The following CEP250 variants were observed in gnomAD, a reference collection of about 807,000 sequenced individuals.
The protein encoded by CEP250 is centrosomal protein 250.
Under a neutral mutation model 315.7 loss-of-function variants are expected in CEP250, and 242 were observed. The observed-to-expected ratio is 0.77, with a 90% CI of 0.69 to 0.85. The LOEUF (loss-of-function observed/expected upper bound fraction) is 0.85, where lower values mean the gene tolerates loss of function less well. Among genes scored for constraint, CEP250 ranks in the 40% least tolerant of loss-of-function variants. The pLI is 0.00. For missense variants in CEP250, 2,515 were observed against 2,886.4 expected (o/e 0.87, Z 2.95); for synonymous variants, 1,088 against 1,175.0 (o/e 0.93, Z 1.51).
chr20:35,459,698 C>T (rs1276182889), intron 2 of CEP250, among the ~76,000 whole-genome samples: 1 of 151,870 alleles, frequency 6.6e-6, no homozygotes, highest in Non-Finnish European at 1.5e-5. Context: ...ATCCCTTCAG[C>T]CCAGGAATTT....
Position 35,504,838 on chromosome 20 carries a change from G to T in CEP250, c.6469G>T (p.Ala2157Ser). 1 of 1,614,236 alleles carries T rather than the reference G, an allele frequency of 6.2e-7. No individual in the cohort carries two copies. Among genetic ancestry groups the T allele is most frequent in the Non-Finnish European group, 8.5e-7 (1 of 1,180,040 alleles). ...GCAGCGGGAGCTGGAGCGGCTACAG[G>T]CAGCCCTGAGACAGACAGAAGCCAG... ...RLQRELERLQ[A>S]ALRQTEAREI... is the part of the protein sequence containing the mutation. The change falls in exon 30 of 35, where the codon GCA becomes TCA. Residue 2157 changes from alanine (A) to serine (S), a missense_variant. Coordinates refer to ENST00000397527, the MANE Select transcript of CEP250 (RefSeq NM_007186.6).
At chr20:35,475,367 T>G (rs773895172) in intron 14 of CEP250, 135 bp from the exon 15 acceptor site, 26 of 915,740 alleles carry the variant, frequency 2.8e-5, no homozygotes, top group Non-Finnish European at 4.3e-5. Context: ...TGACATGTCT[T>G]AGAAATCTTT....
At chr20:35,485,373 CAA>C (rs896722122) in intron 20 of CEP250, among the ~76,000 whole-genome samples, 22 of 79,584 alleles carry the variant, frequency 2.8e-4, no homozygotes, top group South Asian at 4.0e-4. Flanking sequence ...GACTCTGTCT[CAA>C]AAAAAAAAAA....
Position 35,508,910 on chromosome 20 carries a change from C to T in CEP250, c.6907-33C>T, listed in dbSNP as rs78179000. 723 of 1,529,418 alleles carry T rather than the reference C, an allele frequency of 4.7e-4. 2 individuals are homozygous for T. In the African/African-American group the frequency reaches 8.9e-3, roughly 19 times the overall value. 94.7% of individuals were successfully genotyped at this position (1,529,418 alleles called of 1,614,324 possible). ...GCTCTGCTCCAACCACAGAGCCAAG[C>T]CGAGCCCTGATTTCTTATTTGCACC... is the stretch of plus-strand genomic sequence containing the variant. On this transcript the variant is annotated intron_variant, in intron 32 of 34. Coordinates refer to ENST00000397527, the MANE Select transcript of CEP250 (RefSeq NM_007186.6).
At chr20:35,499,547 G>C (rs1388411426) in intron 27 of CEP250, among the ~76,000 whole-genome samples, 1 of 152,210 alleles carries the variant, frequency 6.6e-6, no homozygotes, top group Non-Finnish European at 1.5e-5. Context: ...AAAGGAGAAA[G>C]ACCTGGTCTC....
At chr20:35,461,122 T>G (rs576755379) in intron 3 of CEP250, among the ~76,000 whole-genome samples, 1 of 152,334 alleles carries the variant, frequency 6.6e-6, no homozygotes, top group African/African-American at 2.4e-5. Context: ...TTGAAATTTC[T>G]ACTGTATGTG....
At chr20:35,507,876 A>T in intron 31 of CEP250, 25 bp downstream of exon 31, 1 of 1,607,838 alleles carries the variant, frequency 6.2e-7, no homozygotes, top group Non-Finnish European at 8.5e-7. Flanking sequence ...CTGGGGGAAC[A>T]GGTGACCCAG....
intron 13 of CEP250, 41 bp from the exon 14 acceptor site, chr20:35,473,829 G>C: frequency 6.5e-7 from 1 of 1,535,224 alleles, no homozygotes; most frequent in East Asian, 2.3e-5. Context: ...AAGAATTTTA[G>C]GTCCTATGGT....
At chr20:35,494,241 T>G (rs868266542) in intron 23 of CEP250, 6 of 321,574 alleles carry the variant, frequency 1.9e-5, no homozygotes, top group Admixed American at 4.4e-5. Context: ...CCCAAAGTGT[T>G]GAGATTACAG....
At chr20:35,457,770 G>C (rs148230548) in intron 1 of CEP250, among the ~76,000 whole-genome samples, 6,646 of 152,264 alleles carry the variant, frequency 0.044, 219 homozygotes, top group Middle Eastern at 0.11. Context: ...GTGCACTACA[G>C]CCTGGGTAAC....
chr20:35,506,174 T>C (rs180927710), intron 30 of CEP250, among the ~76,000 whole-genome samples: 3 of 151,946 alleles, frequency 2.0e-5, no homozygotes, highest in African/African-American at 7.2e-5. Flanking sequence ...GAGAAGCAGG[T>C]GTGAGAAAGA....
intron 14 of CEP250, among the ~76,000 whole-genome samples, 155 bp from the exon 15 acceptor site, chr20:35,475,347 T>G (rs1432566917): frequency 6.6e-6 from 1 of 152,260 alleles, no homozygotes; most frequent in East Asian, 1.9e-4. Context: ...GCACCTTGAT[T>G]TTTTTCACTT....
At chr20:35,470,301 G>A (rs1312602215) in intron 10 of CEP250, among the ~76,000 whole-genome samples, 1 of 152,200 alleles carries the variant, frequency 6.6e-6, no homozygotes, top group Non-Finnish European at 1.5e-5. Flanking sequence ...CCAGGAAGCG[G>A]ATATGTGGAG....
At chr20:35,478,487 T>C (rs2004554) in intron 17 of CEP250, among the ~76,000 whole-genome samples, 52,158 of 152,006 alleles carry the variant, frequency 0.34, 10,347 homozygotes, top group African/African-American at 0.54. Context: ...ATCTCTTGAA[T>C]CTGGGAGGCG....
chr20:35,498,119 T>C, intron 26 of CEP250, 52 bp downstream of exon 26: 4 of 1,351,812 alleles, frequency 3.0e-6, no homozygotes, highest in Non-Finnish European at 4.0e-6. Flanking sequence ...CAGGCCTGGC[T>C]CCCAGGGGAA....
intron 29 of CEP250, 72 bp from the exon 30 acceptor site, chr20:35,502,318 G>A: frequency 7.6e-7 from 1 of 1,316,596 alleles, no homozygotes; most frequent in East Asian, 2.4e-5. Flanking sequence ...AAATAAGAAA[G>A]AGAAGGGTCG....
In CEP250 at chr20:35,511,920, TCAC is replaced by T; in HGVS notation, c.*299_*301del. 1.7e-6 allele frequency: 2 copies of T among 1,192,544 alleles called. No homozygotes were observed. Among genetic ancestry groups the T allele is most frequent in the Non-Finnish European group, 2.1e-6 (2 of 961,260 alleles). 73.9% of individuals were successfully genotyped at this position (1,192,544 alleles called of 1,614,324 possible). ...ATCTAGAATTTATTTTCCTAGCACTTCACCACCTCCTTCATCTTCTCCTTCAAC... is the reference window on the plus strand; with the variant it reads ...ATCTAGAATTTATTTTCCTAGCACTTCACCTCCTTCATCTTCTCCTTCAAC... On this transcript the variant is annotated 3_prime_UTR_variant, in exon 35 of 35. Transcript: ENST00000397527.
At chr20:35,510,990 T>C (rs1419747741) in intron 34 of CEP250, among the ~76,000 whole-genome samples, 1 of 151,964 alleles carries the variant, frequency 6.6e-6, no homozygotes, top group East Asian at 1.9e-4. Context: ...AGCAAGACTC[T>C]GTCTCAAAAA....
chr20:35,509,687 C>G (rs574304042), intron 33 of CEP250, among the ~76,000 whole-genome samples: 19 of 152,200 alleles, frequency 1.2e-4, no homozygotes, highest in Non-Finnish European at 2.1e-4. Context: ...AGCTCACAGC[C>G]CAGGGCTAGC....
Sources: allele counts gnomAD v4.1 joint callset (sites outside exome capture counted in the v4.1 genomes callset), GRCh38; gene constraint gnomAD v4.1.1; transcripts MANE v1.5; gene names NCBI Gene and HGNC (gene_info 2026-07-23, HGNC 2026-07-21).